The following APPL2 variants were observed in gnomAD, a reference collection of about 807,000 sequenced individuals.
APPL2 encodes the protein DCC-interacting protein 13-beta.
In APPL2, 84 loss-of-function variants were observed where a neutral mutation model predicts 92.7. That is an observed-to-expected ratio of 0.91 (90% CI 0.76 to 1.09). APPL2 has a LOEUF of 1.09. APPL2 is among the 50% of genes least tolerant of loss of function. The probability of loss-of-function intolerance (pLI) is 0.00; values close to 1 mark genes in which losing one functional copy is unlikely to be tolerated. For missense variants in APPL2, 736 were observed against 824.5 expected (o/e 0.89, Z 1.31); for synonymous variants, 291 against 291.0 (o/e 1.00, Z 0.00).
At chr12:105,189,943 T>G in intron 15 of APPL2, 48 bp downstream of exon 15, 1 of 1,611,764 alleles carries the variant, frequency 6.2e-7, no homozygotes, top group Non-Finnish European at 8.5e-7. Context: ...ACAAGATACC[T>G]CAAATTTACT....
At chr12:105,186,776 C>T (rs941865178) in intron 17 of APPL2, among the ~76,000 whole-genome samples, 8 of 148,394 alleles carry the variant, frequency 5.4e-5, no homozygotes, top group African/African-American at 1.5e-4. Context: ...TGCATGCGTG[C>T]GCACGCCATC....
chr12:105,181,482 G>C (rs1338103153), intron 17 of APPL2, among the ~76,000 whole-genome samples: 1 of 152,190 alleles, frequency 6.6e-6, no homozygotes, highest in East Asian at 1.9e-4. Context: ...CATAAAATGA[G>C]TTAGGGAGGA....
At chr12:105,213,008 T>C (rs1889354934) in intron 4 of APPL2, among the ~76,000 whole-genome samples, 1 of 152,220 alleles carries the variant, frequency 6.6e-6, no homozygotes, top group Admixed American at 6.5e-5. Flanking sequence ...GATGACTACT[T>C]TTCCAGAATA....
intron 17 of APPL2, among the ~76,000 whole-genome samples, chr12:105,185,461 G>A (rs1349763547): frequency 1.3e-5 from 2 of 152,076 alleles, no homozygotes; most frequent in East Asian, 3.9e-4. Flanking sequence ...GGGCTGGATA[G>A]GTCTGTCCCT....
intron 19 of APPL2, 141 bp downstream of exon 19, chr12:105,176,735 C>T (rs1885581170): frequency 9.0e-7 from 1 of 1,107,970 alleles, no homozygotes; most frequent in African/African-American, 1.6e-5. Flanking sequence ...GTGAGGCCTT[C>T]TTAGGAGGTA....
At chr12:105,195,733 G>A in intron 11 of APPL2, 106 bp from the exon 12 acceptor site, 2 of 1,264,122 alleles carry the variant, frequency 1.6e-6, no homozygotes, top group Admixed American at 1.7e-5. Context: ...AAAGTGCCAT[G>A]AAGGCAGCAT....
chr12:105,177,058 G>A (rs906780960), intron 18 of APPL2, 42 bp from the exon 19 acceptor site: 4 of 1,611,994 alleles, frequency 2.5e-6, no homozygotes, highest in Non-Finnish European at 3.4e-6. Flanking sequence ...ACAACTACTA[G>A]AATTAAAAAC....
intron 11 of APPL2, among the ~76,000 whole-genome samples, 165 bp downstream of exon 11, chr12:105,197,600 G>A (rs776313217): frequency 1.3e-5 from 2 of 152,136 alleles, no homozygotes; most frequent in African/African-American, 2.4e-5. Flanking sequence ...GGGTCATGCG[G>A]GCTTGTTTAA....
intron 16 of APPL2, among the ~76,000 whole-genome samples, chr12:105,188,765 A>G (rs2135936134): frequency 6.6e-6 from 1 of 152,344 alleles, no homozygotes; most frequent in South Asian, 2.1e-4. Flanking sequence ...TTTCTCTGAA[A>G]AGAGTGAGTT....
At chr12:105,208,103 T>G (rs921452098) in intron 6 of APPL2, 55 bp downstream of exon 6, 156 of 1,610,518 alleles carry the variant, frequency 9.7e-5, no homozygotes, top group Non-Finnish European at 1.3e-4. Context: ...GGGGGTCTCC[T>G]CCCCGCCACA....
intron 8 of APPL2, among the ~76,000 whole-genome samples, chr12:105,204,381 C>A (rs2135995340): frequency 6.6e-6 from 1 of 152,280 alleles, no homozygotes; most frequent in Non-Finnish European, 1.5e-5. Flanking sequence ...CAAAATCGAC[C>A]TCTGACCCTG....
rs58811447 is a variant in APPL2 at position 105,233,832 on chromosome 12, T to C, written c.54+2127A>G. On this transcript the variant is annotated intron_variant, in intron 1 of 20. Coordinates refer to ENST00000258530, the MANE Select transcript of APPL2 (RefSeq NM_018171.5). Reference sequence around the variant, plus strand: ...ATGTACTTCAAGACTATTGGGAGGATTGAGTGAGTTAATATATGTAAAGCA... The same window carrying C: ...ATGTACTTCAAGACTATTGGGAGGACTGAGTGAGTTAATATATGTAAAGCA... Among the ~76,000 whole-genome samples, 255 of 152,326 alleles carry C rather than the reference T, an allele frequency of 1.7e-3. 1 individual carries two copies. The highest frequency in any genetic ancestry group is 5.7e-3 in the African/African-American group (237 of 41,566).
At position 105,192,426 on chromosome 12, in the gene APPL2, C is replaced by A. The variant is rs78271966; in HGVS notation, c.1242-2271G>T. Among the ~76,000 whole-genome samples the A allele has an allele frequency of 2.4e-3, 361 of 152,234 alleles. 2 individuals are homozygous for A. Among genetic ancestry groups the A allele is most frequent in the African/African-American group, 8.2e-3 (339 of 41,518 alleles). ...CACCTCTCAGAGCCCTTCCACAGCT[C>A]CCCACATGCTTCCTTCTTGATCGAC... is the stretch of plus-strand genomic sequence containing the variant. On this transcript the variant is annotated intron_variant, in intron 14 of 20. Coordinates refer to ENST00000258530, the MANE Select transcript of APPL2 (RefSeq NM_018171.5).
intron 17 of APPL2, among the ~76,000 whole-genome samples, chr12:105,182,891 C>G (rs1217368424): frequency 6.6e-6 from 1 of 152,072 alleles, no homozygotes. Context: ...GAGTCTAAGT[C>G]TCTTTGTAGA....
chr12:105,181,398 CA>C (rs1214372845), intron 17 of APPL2, among the ~76,000 whole-genome samples: 4 of 152,176 alleles, frequency 2.6e-5, no homozygotes. Context: ...TGATGTTCAT[CA>C]GGGGTATTGC....
rs376549644 is a variant in APPL2 at position 105,231,632 on chromosome 12, C to A, written c.55-2409G>T. 1.1e-4 allele frequency among the ~76,000 whole-genome samples: 17 copies of A among 152,316 alleles called. No individual in the cohort carries two copies. In the East Asian group the frequency reaches 3.1e-3, roughly 28 times the overall value. On this transcript the variant is annotated intron_variant, in intron 1 of 20. Coordinates refer to ENST00000258530, the MANE Select transcript of APPL2 (RefSeq NM_018171.5). ...AGCGAGCATGATCTTTGGTCCACAG[C>A]GTACAGCCCTGACTGGAGGCAGGAC...
At chr12:105,190,243 G>T in intron 14 of APPL2, 88 bp from the exon 15 acceptor site, 3 of 1,363,554 alleles carry the variant, frequency 2.2e-6, no homozygotes, top group Admixed American at 4.4e-5. Context: ...TTTTATGAAT[G>T]AAAATACAAG....
intron 2 of APPL2, among the ~76,000 whole-genome samples, chr12:105,226,818 T>C (rs1890545404): frequency 6.6e-6 from 1 of 152,190 alleles, no homozygotes; most frequent in East Asian, 1.9e-4. Flanking sequence ...ACAAAACACA[T>C]AAAATCACAG....
Position 105,203,612 on chromosome 12 carries a change from A to T in APPL2, c.704+91T>A, listed in dbSNP as rs1399888681. On this transcript the variant is annotated intron_variant, in intron 9 of 20. Coordinates refer to ENST00000258530, the MANE Select transcript of APPL2 (RefSeq NM_018171.5). ...GGACAGAGGCTCTGTGCGACCCTCC[A>T]CAGTTAGAACCCTCCCCGTGACCTC... 88 of 1,224,180 alleles carry T rather than the reference A, an allele frequency of 7.2e-5. 2 individuals carry two copies. The highest frequency in any genetic ancestry group is 1.5e-5 in the African/African-American group (1 of 66,860). 75.8% of individuals were successfully genotyped at this position (1,224,180 alleles called of 1,614,324 possible).
Sources: gnomAD v4.1 joint callset for allele counts (sites outside exome capture counted in the v4.1 genomes callset) on GRCh38, gnomAD v4.1.1 for gene constraint, MANE v1.5 for transcripts, NCBI Gene and HGNC (gene_info 2026-07-23, HGNC 2026-07-21) for gene names.